Variants in PTPN9 observed in about 807,000 individuals in gnomAD.
PTPN9 encodes the protein tyrosine-protein phosphatase non-receptor type 9.
In PTPN9, 26 loss-of-function variants were observed where a neutral mutation model predicts 69.8. The observed-to-expected ratio is 0.37, with a 90% CI of 0.27 to 0.52. The LOEUF is 0.52. Among genes scored for constraint, PTPN9 ranks in the 20% least tolerant of loss-of-function variants. The pLI is 0.91. For missense variants in PTPN9, 549 were observed against 740.3 expected (o/e 0.74, Z 3.00); for synonymous variants, 274 against 272.5 (o/e 1.01, Z -0.05).
intron 1 of PTPN9, among the ~76,000 whole-genome samples, chr15:75,578,028 A>G (rs1220695246): frequency 6.6e-6 from 1 of 152,212 alleles, no homozygotes; most frequent in Non-Finnish European, 1.5e-5. Flanking sequence ...CTTTTAAGGA[A>G]CAATAGAGCT....
intron 1 of PTPN9, among the ~76,000 whole-genome samples, chr15:75,540,820 G>A (rs541003851): frequency 4.6e-5 from 7 of 151,796 alleles, no homozygotes; most frequent in African/African-American, 1.2e-4. Flanking sequence ...ACTCATGCCC[G>A]TAATCCAAGC....
At chr15:75,556,283 C>T (rs1162511379) in intron 1 of PTPN9, among the ~76,000 whole-genome samples, 2 of 151,718 alleles carry the variant, frequency 1.3e-5, no homozygotes, top group African/African-American at 2.4e-5. Flanking sequence ...AGGCTGGTCT[C>T]GAACTCCTGA....
At chr15:75,535,647 T>C (rs1256787925) in intron 1 of PTPN9, among the ~76,000 whole-genome samples, 1 of 152,220 alleles carries the variant, frequency 6.6e-6, no homozygotes, top group Admixed American at 6.6e-5. Context: ...AATTTGAAGA[T>C]ACTTCTGTAT....
At chr15:75,504,481 G>GGGGGGTC (rs2074802834) in intron 7 of PTPN9, among the ~76,000 whole-genome samples, 3 of 134,692 alleles carry the variant, frequency 2.2e-5, no homozygotes, top group African/African-American at 8.5e-5. Context: ...GAGGGAGGTG[G>GGGGGGTC]AGGGGTCAGC....
intron 7 of PTPN9, among the ~76,000 whole-genome samples, chr15:75,503,839 G>A (rs2074793026): frequency 1.6e-5 from 2 of 121,580 alleles, no homozygotes; most frequent in East Asian, 2.8e-4. Flanking sequence ...CAGCCGCCCC[G>A]TCCGGGAGGG....
chr15:75,494,612 C>G (rs1481578499), intron 7 of PTPN9, among the ~76,000 whole-genome samples: 1 of 152,050 alleles, frequency 6.6e-6, no homozygotes, highest in African/African-American at 2.4e-5. Context: ...CTCAGCCTCC[C>G]AAAGTGCTGG....
intron 1 of PTPN9, among the ~76,000 whole-genome samples, chr15:75,563,828 A>C (rs769773577): frequency 6.6e-6 from 1 of 152,172 alleles, no homozygotes; most frequent in Non-Finnish European, 1.5e-5. Flanking sequence ...GAGAGCTCCA[A>C]CCTTGCTATA....
chr15:75,517,028 C>G lies in PTPN9; in HGVS notation c.528+231G>C, dbSNP rs574285946. ...AAAGTGCTGGGATTACAGGCATGAG[C>G]CATGGCGCCTGGCCGTTCCTGTGCA... On this transcript the variant is annotated intron_variant, in intron 5 of 12. Coordinates refer to ENST00000618819, the MANE Select transcript of PTPN9 (RefSeq NM_002833.4). Among the ~76,000 whole-genome samples, 376 of 152,246 alleles carry G rather than the reference C, an allele frequency of 2.5e-3. 2 individuals are homozygous for G. Among genetic ancestry groups the G allele is most frequent in the Non-Finnish European group, 4.5e-3 (307 of 68,014 alleles).
chr15:75,503,705 C>T (rs1207872256), intron 7 of PTPN9, among the ~76,000 whole-genome samples: 2 of 136,498 alleles, frequency 1.5e-5, no homozygotes, highest in East Asian at 4.6e-4. Context: ...CCAGCCACCC[C>T]GTCCGGGAGG....
chr15:75,521,326 C>T (rs921174264), intron 4 of PTPN9, among the ~76,000 whole-genome samples: 9 of 150,492 alleles, frequency 6.0e-5, no homozygotes, highest in Admixed American at 2.0e-4. Context: ...GTGGCAGGCG[C>T]CTGTAGTCCC....
intron 1 of PTPN9, among the ~76,000 whole-genome samples, chr15:75,574,985 T>TAAGGCTG (rs1170353991): frequency 3.6e-4 from 1 of 2,780 alleles, no homozygotes; most frequent in Non-Finnish European, 7.1e-4. Context: ...GAAATATCTT[T>TAAGGCTG]TTTTTTTTTT....
intron 7 of PTPN9, among the ~76,000 whole-genome samples, chr15:75,503,543 G>A (rs2074788054): frequency 8.4e-6 from 1 of 118,996 alleles, no homozygotes; most frequent in African/African-American, 3.1e-5. Context: ...CGGGAGGGAG[G>A]TGGGGGGGTC....
chr15:75,502,132 GAAGAA>G (rs2074776046), intron 7 of PTPN9, among the ~76,000 whole-genome samples: 3 of 151,944 alleles, frequency 2.0e-5, no homozygotes, highest in African/African-American at 4.8e-5. Context: ...GAGAAGAGAA[GAAGAA>G]AAGAAGAGAA....
chr15:75,531,970 TTCC>T (rs1368500605), intron 1 of PTPN9, among the ~76,000 whole-genome samples: 1 of 152,190 alleles, frequency 6.6e-6, no homozygotes, highest in Non-Finnish European at 1.5e-5. Context: ...GAACATATTT[TTCC>T]TGCTACTTAG....
At chr15:75,568,948 G>A (rs938269855) in intron 1 of PTPN9, among the ~76,000 whole-genome samples, 6 of 152,152 alleles carry the variant, frequency 3.9e-5, no homozygotes, top group Admixed American at 3.9e-4. Flanking sequence ...AGGCCCTCCA[G>A]CACTGAGAAG....
At position 75,464,617 on chromosome 15, in the gene PTPN9, CAA is replaced by C. The variant is rs1034417712; in HGVS notation, c.*4150_*4151del. 2 of 152,120 alleles carry C rather than the reference CAA, an allele frequency of 1.3e-5. No homozygotes were observed. The highest frequency in any genetic ancestry group is 4.8e-5 in the African/African-American group (2 of 41,416). 9.4% of individuals were successfully genotyped at this position (152,120 alleles called of 1,614,324 possible). ...GTTCAGTGGTAAGACCTCAAAACCA[CAA>C]AAGAGCTGGGTCACTCTAGAGAAGC... On this transcript the variant is annotated 3_prime_UTR_variant, in exon 13 of 13. Coordinates refer to ENST00000618819, the MANE Select transcript of PTPN9 (RefSeq NM_002833.4).
chr15:75,503,042 T>G (rs1446410662), intron 7 of PTPN9, among the ~76,000 whole-genome samples: 1 of 152,100 alleles, frequency 6.6e-6, no homozygotes, highest in Admixed American at 6.6e-5. Flanking sequence ...GATTGCAGCC[T>G]CTGCCCGGCC....
chr15:75,469,767 C>T (rs1218605072), intron 12 of PTPN9, 25 bp downstream of exon 12: 2 of 1,608,956 alleles, frequency 1.2e-6, no homozygotes, highest in African/African-American at 1.3e-5. Flanking sequence ...CCTGCAGACA[C>T]CAAGAGCTGC....
chr15:75,524,409 A>T (rs951208801), intron 2 of PTPN9, 111 bp from the exon 3 acceptor site: 4 of 561,560 alleles, frequency 7.1e-6, no homozygotes, highest in Non-Finnish European at 1.3e-5. Context: ...GAATGAATGA[A>T]TTATAAATTT....
Sources: gnomAD v4.1 joint callset for allele counts (sites outside exome capture counted in the v4.1 genomes callset) on GRCh38, gnomAD v4.1.1 for gene constraint, MANE v1.5 for transcripts, NCBI Gene and HGNC (gene_info 2026-07-23, HGNC 2026-07-21) for gene names.